Variants in THRAP3 observed in about 807,000 individuals in gnomAD.
The protein encoded by THRAP3 is thyroid hormone receptor-associated protein 3.
A neutral mutation model predicts 101.0 loss-of-function variants in THRAP3; 16 were observed. The ratio of observed to expected loss-of-function variants is 0.16; its 90% CI spans 0.11 to 0.24. The LOEUF (loss-of-function observed/expected upper bound fraction) is 0.24, where lower values mean the gene tolerates loss of function less well. Ranked by LOEUF, THRAP3 falls within the 10% of genes least tolerant of loss-of-function variation. The probability of loss-of-function intolerance (pLI) is 1.00; values close to 1 mark genes in which losing one functional copy is unlikely to be tolerated. For synonymous variants in THRAP3, 407 were observed against 422.6 expected (o/e 0.96, Z 0.45); for missense variants, 989 against 1,202.7 (o/e 0.82, Z 2.63).
chr1:36,270,419 GCA>G (rs1183393106), intron 2 of THRAP3, among the ~76,000 whole-genome samples: 1 of 151,978 alleles, frequency 6.6e-6, no homozygotes, highest in African/African-American at 2.4e-5. Flanking sequence ...ACAGGCACAC[GCA>G]CACGCACGCA....
In THRAP3 at chr1:36,304,203, C is replaced by A; in HGVS notation, c.*186C>A. Reference sequence around the variant, plus strand: ...TCTCCCACTGGACAGAGGAGGCTGGCCATGGGGCCCAGGGGTCAGGCCCAG... The same window carrying A: ...TCTCCCACTGGACAGAGGAGGCTGGACATGGGGCCCAGGGGTCAGGCCCAG... On this transcript the variant is annotated 3_prime_UTR_variant, in exon 12 of 12. Transcript: ENST00000354618. 2 of 859,108 alleles carry A rather than the reference C, an allele frequency of 2.3e-6. No homozygotes were observed. Among genetic ancestry groups the A allele is most frequent in the Non-Finnish European group, 3.3e-6 (2 of 603,842 alleles). The allele number at this position is 859,108 out of a possible 1,614,324, so 53.2% of individuals were successfully genotyped here. A position where few individuals can be genotyped will look rare whatever the true frequency, so the allele number is the denominator to read the frequency against.
intron 2 of THRAP3, among the ~76,000 whole-genome samples, chr1:36,281,725 G>T (rs1240610473): frequency 1.3e-5 from 2 of 152,028 alleles, no homozygotes; most frequent in African/African-American, 4.8e-5. Context: ...TTAGCCTCTG[G>T]AGTAGCTAGG....
intron 2 of THRAP3, among the ~76,000 whole-genome samples, chr1:36,260,986 T>A (rs989955673): frequency 2.0e-5 from 3 of 152,236 alleles, no homozygotes; most frequent in African/African-American, 4.8e-5. Flanking sequence ...TTTCTGTTTT[T>A]AATAATCTTT....
chr1:36,217,905 C>A, the THRAP3 span, among the ~76,000 whole-genome samples: 1 of 152,132 alleles, frequency 6.6e-6, no homozygotes, highest in Admixed American at 6.6e-5. Context: ...CAATTAATAA[C>A]CCTACAAAAC....
chr1:36,257,663 C>G (rs1254139025), intron 1 of THRAP3, among the ~76,000 whole-genome samples: 4 of 152,140 alleles, frequency 2.6e-5, no homozygotes, highest in Non-Finnish European at 5.9e-5. Flanking sequence ...TTTGCTTATT[C>G]ACTCATCGCA....
chr1:36,277,218 C>T (rs1645672498), intron 2 of THRAP3, among the ~76,000 whole-genome samples: 1 of 151,158 alleles, frequency 6.6e-6, no homozygotes, highest in South Asian at 2.1e-4. Context: ...ATCTGCCCAC[C>T]TCTGCCTCCC....
chr1:36,252,265 A>T (rs1645310807), intron 1 of THRAP3, among the ~76,000 whole-genome samples: 1 of 152,170 alleles, frequency 6.6e-6, no homozygotes, highest in African/African-American at 2.4e-5. Flanking sequence ...AACTGGAATT[A>T]TAGGCATGTG....
chr1:36,242,950 CTG>C (rs879916888), intron 1 of THRAP3, among the ~76,000 whole-genome samples: 18 of 151,580 alleles, frequency 1.2e-4, no homozygotes, highest in Non-Finnish European at 2.2e-4. Flanking sequence ...TTGAGATAGA[CTG>C]GGCATGGTGG....
chr1:36,292,219 A>T (rs1049211181), intron 6 of THRAP3, among the ~76,000 whole-genome samples: 1 of 147,706 alleles, frequency 6.8e-6, no homozygotes, highest in African/African-American at 2.5e-5. Context: ...CAAAAGAGTT[A>T]AAACATTGTG....
intron 2 of THRAP3, among the ~76,000 whole-genome samples, chr1:36,266,100 G>A (rs1477382471): frequency 1.3e-5 from 2 of 150,870 alleles, no homozygotes; most frequent in Admixed American, 6.7e-5. Context: ...GTTGCAGTGA[G>A]CTGAGATTGC....
At chr1:36,240,062 C>G (rs993377986) in intron 1 of THRAP3, among the ~76,000 whole-genome samples, 1 of 152,130 alleles carries the variant, frequency 6.6e-6, no homozygotes, top group African/African-American at 2.4e-5. Flanking sequence ...CACATAAGAA[C>G]AGCTTGTAAC....
At chr1:36,244,099 A>G (rs1320508438) in intron 1 of THRAP3, among the ~76,000 whole-genome samples, 1 of 151,994 alleles carries the variant, frequency 6.6e-6, no homozygotes, top group Non-Finnish European at 1.5e-5. Context: ...GGAACTTTCT[A>G]CTTAAGAATG....
intron 2 of THRAP3, among the ~76,000 whole-genome samples, chr1:36,262,764 CTATTT>C (rs142373623): frequency 5.3e-5 from 8 of 149,596 alleles, no homozygotes; most frequent in East Asian, 2.0e-4. Context: ...AGTAATGCTT[CTATTT>C]TATTTTATTT....
upstream of THRAP3, among the ~76,000 whole-genome samples, chr1:36,223,750 G>A (rs1644923356): frequency 6.6e-6 from 1 of 152,130 alleles, no homozygotes; most frequent in Non-Finnish European, 1.5e-5. Flanking sequence ...AAACTTCCCA[G>A]GACGACAGTC....
In THRAP3 at chr1:36,304,868, A is replaced by G. The variant is rs1646080287; in HGVS notation, c.*851A>G. The G allele has an allele frequency of 4.8e-6, 1 of 206,470 alleles. No homozygotes were observed. The highest frequency in any genetic ancestry group is 1.9e-4 in the South Asian group (1 of 5,294). 12.8% of individuals were successfully genotyped at this position (206,470 alleles called of 1,614,324 possible). A position where few individuals can be genotyped will look rare whatever the true frequency, so the allele number is the denominator to read the frequency against. On this transcript the variant is annotated 3_prime_UTR_variant, in exon 12 of 12. Coordinates refer to ENST00000354618, the MANE Select transcript of THRAP3 (RefSeq NM_005119.4). ...TGGTCTGTTTTCTAAGAAACTTATG[A>G]ATTCTATTATCTTTACAAATATGAG...
At chr1:36,277,055 G>A (rs1412238911) in intron 2 of THRAP3, among the ~76,000 whole-genome samples, 4 of 151,362 alleles carry the variant, frequency 2.6e-5, no homozygotes, top group East Asian at 2.0e-4. Flanking sequence ...TGCAACCTCC[G>A]CCTCCCAGGT....
At chr1:36,215,894 T>C in the THRAP3 span, among the ~76,000 whole-genome samples, 1 of 151,712 alleles carries the variant, frequency 6.6e-6, no homozygotes, top group Non-Finnish European at 1.5e-5. Context: ...GGATTACAGG[T>C]GTGTGCCATC....
chr1:36,242,091 C>G (rs1425906080), intron 1 of THRAP3: 1 of 181,718 alleles, frequency 5.5e-6, no homozygotes, highest in African/African-American at 2.3e-5. Flanking sequence ...TGTTATAAAC[C>G]TAACTGATGG....
At chr1:36,288,522 G>A (rs1570331675) in intron 4 of THRAP3, 3 of 985,394 alleles carry the variant, frequency 3.0e-6, no homozygotes, top group Non-Finnish European at 3.6e-6. Flanking sequence ...CCATTAACAT[G>A]TATTTTGTTT....
Sources: allele counts gnomAD v4.1 joint callset (sites outside exome capture counted in the v4.1 genomes callset), GRCh38; gene constraint gnomAD v4.1.1; transcripts MANE v1.5; gene names NCBI Gene and HGNC (gene_info 2026-07-23, HGNC 2026-07-21).